RGPD1: variants seen among roughly 807,000 people sequenced by gnomAD.
The protein encoded by RGPD1 is RANBP2-like and GRIP domain-containing protein 1.
A neutral mutation model predicts 40.6 loss-of-function variants in RGPD1; 7 were observed. The ratio of observed to expected loss-of-function variants is 0.17; its 90% CI spans 0.10 to 0.32. The LOEUF (loss-of-function observed/expected upper bound fraction) is 0.32. Among genes scored for constraint, RGPD1 ranks in the 10% least tolerant of loss-of-function variants. The pLI is 1.00. For synonymous variants in RGPD1, 24 were observed against 167.0 expected, an observed-to-expected ratio of 0.14 and a Z score of 6.60; for missense variants, 50 against 472.5, an observed-to-expected ratio of 0.11 and a Z score of 8.29.
intron 1 of RGPD1, among the ~76,000 whole-genome samples, chr2:86,944,415 T>G (rs1395549932): frequency 6.6e-6 from 1 of 152,100 alleles, no homozygotes; most frequent in South Asian, 2.1e-4. Flanking sequence ...GTGTTATTTT[T>G]TTTTTTTTAG....
At chr2:86,933,422 A>G (rs1193073681) in intron 1 of RGPD1, among the ~76,000 whole-genome samples, 3 of 150,166 alleles carry the variant, frequency 2.0e-5, no homozygotes, top group Non-Finnish European at 3.0e-5. Flanking sequence ...ACTGAATGCA[A>G]TTGAAATTAT....
At chr2:86,962,531 A>G (rs1344697601) in intron 6 of RGPD1, among the ~76,000 whole-genome samples, 1 of 122,250 alleles carries the variant, frequency 8.2e-6, no homozygotes, top group East Asian at 2.0e-4. Context: ...AAAAAAAAAA[A>G]AAGACAATTT....
rs576324663 is a variant in RGPD1, at chr2:86,933,178, T to A, written c.73-18118T>A. ...GCAAAAATGATTATGTTGTAAGAACTTTTGGAGGTTTTCCTCCTCGTAAAA... is the reference window on the plus strand; with the variant it reads ...GCAAAAATGATTATGTTGTAAGAACATTTGGAGGTTTTCCTCCTCGTAAAA... On this transcript the variant is annotated intron_variant, in intron 1 of 22. Transcript: ENST00000398193. 1.1e-4 allele frequency among the ~76,000 whole-genome samples: 16 copies of A among 150,456 alleles called. 1 individual carries two copies. Among genetic ancestry groups the A allele is most frequent in the African/African-American group, 3.4e-4 (14 of 41,150 alleles).
At chr2:86,920,092 C>T (rs1478210280) in intron 1 of RGPD1, among the ~76,000 whole-genome samples, 18 of 151,932 alleles carry the variant, frequency 1.2e-4, no homozygotes, top group African/African-American at 3.4e-4. Context: ...TTTTTTAAGA[C>T]GGGGTTTTGC....
chr2:86,915,273 G>A (rs1425557617), intron 1 of RGPD1, among the ~76,000 whole-genome samples: 1 of 151,078 alleles, frequency 6.6e-6, no homozygotes, highest in African/African-American at 2.4e-5. Context: ...TCCAGCCTAG[G>A]TGATAGAGTT....
chr2:86,925,042 ACT>A (rs1408805334), intron 1 of RGPD1, among the ~76,000 whole-genome samples: 2 of 151,860 alleles, frequency 1.3e-5, no homozygotes, highest in Admixed American at 1.3e-4. Flanking sequence ...GATGTTAAAC[ACT>A]CTTTCATGTG....
At chr2:86,918,841 T>C (rs1677924159) in intron 1 of RGPD1, among the ~76,000 whole-genome samples, 2 of 104,208 alleles carry the variant, frequency 1.9e-5, no homozygotes. Flanking sequence ...AAAATAATTA[T>C]ACTACTCAGA....
At chr2:86,926,389 G>GT (rs1678507170) in intron 1 of RGPD1, among the ~76,000 whole-genome samples, 1 of 150,856 alleles carries the variant, frequency 6.6e-6, no homozygotes, top group Non-Finnish European at 1.5e-5. Context: ...AAAAGGTTTT[G>GT]TAGGGCGTGT....
chr2:86,938,304 C>T (rs991183726), upstream of RGPD1, among the ~76,000 whole-genome samples: 4 of 112,230 alleles, frequency 3.6e-5, no homozygotes, highest in East Asian at 4.8e-4. Context: ...ATACAAAAAG[C>T]CATCCAAGAT....
chr2:86,988,441 C>CAAAAAAAA (rs1174110236), intron 20 of RGPD1, among the ~76,000 whole-genome samples: 50 of 32,744 alleles, frequency 1.5e-3, no homozygotes, highest in Middle Eastern at 0.024. Flanking sequence ...ACTTTGTCTC[C>CAAAAAAAA]AAAAAAAAAA....
chr2:86,960,691 G>A lies in RGPD1; in HGVS notation c.779+2264G>A, dbSNP rs1393832546. ...TGCAAGCTCTGTCTCCAGGGTTCAT[G>A]CCATTCTCCTGCCTCAGCCTCCCGA... On this transcript the variant is annotated intron_variant, in intron 6 of 22. Coordinates refer to ENST00000641458, the MANE Select transcript of RGPD1 (RefSeq NM_001382344.1). Among the ~76,000 whole-genome samples, 13 of 104,450 alleles carry A rather than the reference G, an allele frequency of 1.2e-4. 2 individuals carry two copies. Among genetic ancestry groups the A allele is most frequent in the African/African-American group, 1.9e-4 (3 of 15,706 alleles). The allele number at this position is 104,450 out of a possible 152,430, so 68.5% of individuals were successfully genotyped here.
At chr2:86,940,654 G>A (rs1335895945), upstream of RGPD1, among the ~76,000 whole-genome samples, 1 of 151,118 alleles carries the variant, frequency 6.6e-6, no homozygotes, top group African/African-American at 2.4e-5. Context: ...GGAGTGCAAA[G>A]GCATGAACAT....
chr2:86,940,444 G>A (rs1439697338), upstream of RGPD1, among the ~76,000 whole-genome samples: 4 of 89,286 alleles, frequency 4.5e-5, no homozygotes, highest in Non-Finnish European at 8.4e-5. Flanking sequence ...GATTACAGGC[G>A]TGCACCACCA....
intron 1 of RGPD1, chr2:86,930,581 C>T (rs766022043): frequency 1.2e-6 from 2 of 1,611,128 alleles, no homozygotes; most frequent in Admixed American, 1.7e-5. Context: ...GCAGCCAGAA[C>T]CACCAGAGCT....
At chr2:86,941,687 G>A (rs144998398), upstream of RGPD1, among the ~76,000 whole-genome samples, 1,044 of 151,030 alleles carry the variant, frequency 6.9e-3, 18 homozygotes, top group East Asian at 0.033. Context: ...TGTTCCACCC[G>A]CAGGACTGAC....
At chr2:86,925,790 G>A (rs1443535348) in intron 1 of RGPD1, among the ~76,000 whole-genome samples, 1 of 151,874 alleles carries the variant, frequency 6.6e-6, no homozygotes, top group Non-Finnish European at 1.5e-5. Context: ...GGCTGGTCTC[G>A]AACTCCTGGG....
At chr2:87,009,141 T>A (rs1189048311) in intron 22 of RGPD1, among the ~76,000 whole-genome samples, 1 of 95,018 alleles carries the variant, frequency 1.1e-5, no homozygotes, top group African/African-American at 4.4e-5. Flanking sequence ...CTGTCTCTAC[T>A]AAAAATACAA....
At chr2:86,988,438 C>A in intron 20 of RGPD1, among the ~76,000 whole-genome samples, 1 of 83,322 alleles carries the variant, frequency 1.2e-5, no homozygotes, top group African/African-American at 4.3e-5. Context: ...GAGACTTTGT[C>A]TCCAAAAAAA....
intron 1 of RGPD1, among the ~76,000 whole-genome samples, chr2:86,915,087 G>C (rs1445408803): frequency 6.7e-6 from 1 of 150,194 alleles, no homozygotes; most frequent in African/African-American, 2.4e-5. Flanking sequence ...CTTGAGGTCG[G>C]TCGTTCGAGA....
Sources: allele counts gnomAD v4.1 joint callset (sites outside exome capture counted in the v4.1 genomes callset), GRCh38; gene constraint gnomAD v4.1.1; transcripts MANE v1.5; gene names NCBI Gene and HGNC (gene_info 2026-07-23, HGNC 2026-07-21).